Variants in PSMD5 observed in about 807,000 individuals in gnomAD.
The protein encoded by PSMD5 is proteasome 26S subunit, non-ATPase 5.
In PSMD5, 40 loss-of-function variants were observed where a neutral mutation model predicts 52.1. That is an observed-to-expected ratio of 0.77 (90% CI 0.60 to 1.00). PSMD5 has a LOEUF of 1.00. PSMD5 is among the 50% of genes least tolerant of loss of function. PSMD5 has a pLI of 0.00. For missense variants in PSMD5, 575 were observed against 605.2 expected (o/e 0.95, Z 0.52); for synonymous variants, 211 against 226.6 (o/e 0.93, Z 0.62).
intron 6 of PSMD5, 180 bp from the exon 7 acceptor site, chr9:120,824,865 G>T (rs2045112135): frequency 2.0e-6 from 1 of 507,442 alleles, no homozygotes; most frequent in African/African-American, 1.9e-5. Context: ...TGTGATGTGT[G>T]ATCCTGAGAG....
At position 120,817,519 on chromosome 9, in the gene PSMD5, C is replaced by T. The variant is rs2045051348; in HGVS notation, c.*387G>A. The T allele has an allele frequency of 1.8e-5, 3 of 169,630 alleles. No homozygotes were observed. Among genetic ancestry groups the T allele is most frequent in the African/African-American group, 7.1e-5 (3 of 42,004 alleles). The allele number at this position is 169,630 out of a possible 1,614,324, so 10.5% of individuals were successfully genotyped here. ...TCCTAGACTCAAGTGATTTGCCCAT[C>T]TTGGCCTCCCAAAGTGCTGGGAATT... On this transcript the variant is annotated 3_prime_UTR_variant, in exon 10 of 10. Coordinates refer to ENST00000210313, the MANE Select transcript of PSMD5 (RefSeq NM_005047.4).
rs373623286 is a variant in PSMD5 at position 120,826,956 on chromosome 9, A to G, written c.672-49T>C. On this transcript the variant is annotated intron_variant, in intron 5 of 9. Coordinates refer to ENST00000210313, the MANE Select transcript of PSMD5 (RefSeq NM_005047.4). ...CAAGGAGATTTTGCACAGGATTTGC[A>G]TAGTTTATAAATTGCTCTCATACAG... is the stretch of plus-strand genomic sequence containing the variant. 24 of 1,548,230 alleles carry G rather than the reference A, an allele frequency of 1.6e-5. No individual in the cohort carries two copies. The African/African-American group carries it at 2.8e-4, about 18-fold the overall frequency.
intron 2 of PSMD5, among the ~76,000 whole-genome samples, chr9:120,832,346 TATAAATGGCCAGTGA>T (rs1264424523): frequency 6.6e-6 from 1 of 151,144 alleles, no homozygotes; most frequent in Non-Finnish European, 1.5e-5. Context: ...GTGTCTGGCA[TATAAATGGCCAGTGA>T]ATAAACTGAT....
chr9:120,842,902 G>A lies in PSMD5; in HGVS notation c.8C>T (p.Ala3Val), dbSNP rs771933149. Residue 3 changes from alanine to valine, a missense_variant, in exon 1 of 10, where the codon GCC (alanine) becomes GTC (valine). Transcript: ENST00000210313. ...CTCTCTCAGCAGCGCCAAAGCCTGG[G>A]CTGCCATCTTGCCCCCCGACGCAGG... Reference protein sequence around the residue: MAAQALALLREVA... With the variant: MAVQALALLREVA... The A allele has an allele frequency of 2.5e-6, 4 of 1,586,158 alleles. No individual in the cohort carries two copies. Among genetic ancestry groups the A allele is most frequent in the East Asian group, 2.3e-5 (1 of 44,140 alleles).
intron 7 of PSMD5, among the ~76,000 whole-genome samples, chr9:120,823,510 C>CTT (rs1263218977): frequency 0.12 from 12,871 of 108,562 alleles, 937 homozygotes; most frequent in Non-Finnish European, 0.15. Flanking sequence ...TACCTGGCCT[C>CTT]TTTTTTTTTT....
Position 120,831,455 on chromosome 9 carries a change from A to T in PSMD5, c.437T>A (p.Ile146Asn). 6.2e-7 allele frequency: 1 copy of T among 1,606,850 alleles called. No individual in the cohort carries two copies. Among genetic ancestry groups the T allele is most frequent in the Non-Finnish European group, 8.5e-7 (1 of 1,178,012 alleles). ...GENLSVAKAA[I>N]KSLSRISLTQ... is the part of the protein sequence containing the mutation. ...TAGTGATATTCTTGACAGGGATTTG[A>T]TAGCCTTATAACGAAAGAAAATATC... The change falls in exon 4 of 10, where the codon ATC becomes AAC. Residue 146 changes from isoleucine (I) to asparagine (N), a missense_variant. Physicochemically the swap from Ile to Asn is moderately radical, Grantham distance 149 (BLOSUM62 -3). Coordinates refer to ENST00000210313, the MANE Select transcript of PSMD5 (RefSeq NM_005047.4).
intron 4 of PSMD5, among the ~76,000 whole-genome samples, chr9:120,830,213 G>A (rs1043595567): frequency 2.0e-5 from 3 of 152,234 alleles, no homozygotes. Flanking sequence ...AGCAGACTGT[G>A]AGACACAGCC....
At chr9:120,822,899 G>A (rs2045095691) in intron 7 of PSMD5, among the ~76,000 whole-genome samples, 1 of 152,008 alleles carries the variant, frequency 6.6e-6, no homozygotes. Context: ...AGTGATCAAG[G>A]CTCACTACAG....
chr9:120,834,105 G>A (rs1036966472), intron 1 of PSMD5, among the ~76,000 whole-genome samples: 8 of 149,490 alleles, frequency 5.4e-5, no homozygotes, highest in African/African-American at 1.5e-4. Context: ...TCAGCCTCCC[G>A]AGTAGCTGGG....
At chr9:120,825,988 C>T (rs2045118994) in intron 6 of PSMD5, among the ~76,000 whole-genome samples, 1 of 149,854 alleles carries the variant, frequency 6.7e-6, no homozygotes, top group Non-Finnish European at 1.5e-5. Flanking sequence ...CATCCTTGTC[C>T]TGATCTTTTT....
intron 1 of PSMD5, among the ~76,000 whole-genome samples, chr9:120,838,035 T>A (rs1196161844): frequency 6.6e-6 from 1 of 152,264 alleles, no homozygotes; most frequent in African/African-American, 2.4e-5. Context: ...TCCATTTGTA[T>A]GATCCCTTCC....
intron 1 of PSMD5, among the ~76,000 whole-genome samples, chr9:120,836,914 G>C (rs2045201811): frequency 2.2e-5 from 3 of 134,400 alleles, no homozygotes; most frequent in African/African-American, 5.6e-5. Context: ...TTTTGAGACT[G>C]AGTCTCACTC....
At chr9:120,827,965 T>C (rs1171593477) in intron 5 of PSMD5, among the ~76,000 whole-genome samples, 1 of 152,256 alleles carries the variant, frequency 6.6e-6, no homozygotes, top group Non-Finnish European at 1.5e-5. Context: ...ATTGTACTGC[T>C]TTCTATGGTC....
chr9:120,824,740 C>T (rs181804260), intron 6 of PSMD5, 55 bp from the exon 7 acceptor site: 14 of 1,440,374 alleles, frequency 9.7e-6, no homozygotes, highest in African/African-American at 2.9e-5. Flanking sequence ...GCATGAATTG[C>T]GGGCTCTATG....
chr9:120,832,319 G>T (rs1351549529), intron 2 of PSMD5, among the ~76,000 whole-genome samples: 1 of 151,510 alleles, frequency 6.6e-6, no homozygotes, highest in African/African-American at 2.4e-5. Flanking sequence ...GACCGAACAG[G>T]CAAAGCACCT....
intron 6 of PSMD5, among the ~76,000 whole-genome samples, chr9:120,825,480 G>A (rs114174489): frequency 0.011 from 1,636 of 152,016 alleles, 19 homozygotes; most frequent in African/African-American, 0.037. Context: ...AATTTTGGAG[G>A]GAATGCACTG....
At position 120,833,171 on chromosome 9, in the gene PSMD5, G is replaced by C. The variant is rs561355931; in HGVS notation, c.318+141C>G. ...TGGAATAGACCACACATTTCCTAGGGGGAAAGAGGGAGCAGAGGAGAGGGG... is the reference window on the plus strand; with the variant it reads ...TGGAATAGACCACACATTTCCTAGGCGGAAAGAGGGAGCAGAGGAGAGGGG... On this transcript the variant is annotated intron_variant, in intron 2 of 9. Coordinates refer to ENST00000210313, the MANE Select transcript of PSMD5 (RefSeq NM_005047.4). 1.4e-5 allele frequency: 14 copies of C among 971,766 alleles called. No homozygotes were observed. In the Admixed American group the frequency reaches 2.1e-4, roughly 14 times the overall value. 60.2% of individuals were successfully genotyped at this position (971,766 alleles called of 1,614,324 possible).
intron 9 of PSMD5, among the ~76,000 whole-genome samples, chr9:120,819,302 G>T (rs1483321394): frequency 6.6e-6 from 1 of 152,134 alleles, no homozygotes; most frequent in Non-Finnish European, 1.5e-5. Flanking sequence ...ATTTTAATAA[G>T]ATTCCTAAGA....
At chr9:120,836,602 G>A (rs2045199942) in intron 1 of PSMD5, among the ~76,000 whole-genome samples, 2 of 151,808 alleles carry the variant, frequency 1.3e-5, no homozygotes, top group South Asian at 4.2e-4. Context: ...TCACCAGGTT[G>A]GCCAGGCTGG....
Sources: gnomAD v4.1 joint callset for allele counts (sites outside exome capture counted in the v4.1 genomes callset) on GRCh38, gnomAD v4.1.1 for gene constraint, MANE v1.5 for transcripts, NCBI Gene and HGNC (gene_info 2026-07-23, HGNC 2026-07-21) for gene names.